GHR: variants seen among roughly 807,000 people sequenced by gnomAD.
GHR encodes the protein GH receptor.
In GHR, 35 loss-of-function variants were observed where a neutral mutation model predicts 67.1. The observed-to-expected ratio is 0.52, with a 90% CI of 0.40 to 0.69. GHR has a LOEUF of 0.69. Ranked by LOEUF, GHR falls within the 30% of genes least tolerant of loss-of-function variation. The probability of loss-of-function intolerance (pLI) is 0.00; values close to 1 mark genes in which losing one functional copy is unlikely to be tolerated. For synonymous variants in GHR, 272 were observed against 269.1 expected (o/e 1.01, Z -0.10); for missense variants, 792 against 764.6 (o/e 1.04, Z -0.42).
intron 1 of GHR, among the ~76,000 whole-genome samples, chr5:42,507,378 C>T (rs1746824139): frequency 6.6e-6 from 1 of 152,184 alleles, no homozygotes; most frequent in Admixed American, 6.5e-5. Flanking sequence ...CTACTTTTAA[C>T]AAGACATGAA....
At chr5:42,646,502 T>C (rs1322962602) in intron 3 of GHR, 1 of 305,834 alleles carries the variant, frequency 3.3e-6, no homozygotes, top group East Asian at 8.4e-5. Context: ...CTAAAATACA[T>C]TAGAGTTAAG....
At chr5:42,607,980 G>A (rs1311277960) in intron 2 of GHR, among the ~76,000 whole-genome samples, 1 of 152,136 alleles carries the variant, frequency 6.6e-6, no homozygotes, top group Non-Finnish European at 1.5e-5. Flanking sequence ...TGTCAGTTAT[G>A]ATCTAGGCTG....
At chr5:42,587,712 T>C (rs1751556547) in intron 2 of GHR, among the ~76,000 whole-genome samples, 3 of 152,046 alleles carry the variant, frequency 2.0e-5, no homozygotes, top group Admixed American at 6.5e-5. Flanking sequence ...ACTTGACTTA[T>C]TCCTCCCACA....
At chr5:42,657,221 C>A (rs1755301148) in intron 3 of GHR, among the ~76,000 whole-genome samples, 1 of 152,032 alleles carries the variant, frequency 6.6e-6, no homozygotes, top group Non-Finnish European at 1.5e-5. Flanking sequence ...GGATTCTTAC[C>A]AGTAGTGTGA....
intron 2 of GHR, among the ~76,000 whole-genome samples, chr5:42,579,962 A>G (rs544605854): frequency 9.2e-5 from 14 of 151,954 alleles, no homozygotes; most frequent in African/African-American, 3.1e-4. Context: ...GTGGGGATCT[A>G]TTGGTATATT....
At chr5:42,434,051 A>G (rs1296626487) in intron 1 of GHR, among the ~76,000 whole-genome samples, 2 of 152,140 alleles carry the variant, frequency 1.3e-5, no homozygotes, top group African/African-American at 4.8e-5. Context: ...ATGTAAATTC[A>G]GTCTGAAAAC....
At chr5:42,702,962 C>T (rs1429173520) in intron 6 of GHR, among the ~76,000 whole-genome samples, 1 of 151,922 alleles carries the variant, frequency 6.6e-6, no homozygotes, top group African/African-American at 2.4e-5. Context: ...CAGATAGTAA[C>T]TTCTTATCAG....
chr5:42,657,260 G>A (rs1755303244), intron 3 of GHR, among the ~76,000 whole-genome samples: 1 of 152,080 alleles, frequency 6.6e-6, no homozygotes, highest in Non-Finnish European at 1.5e-5. Context: ...TCTCTTGGAG[G>A]CATCATTTTC....
intron 2 of GHR, 81 bp downstream of exon 2, chr5:42,566,025 T>C: frequency 6.6e-7 from 1 of 1,517,644 alleles, no homozygotes; most frequent in South Asian, 1.1e-5. Flanking sequence ...GTTTTTTGGA[T>C]GATTTTATTA....
intron 1 of GHR, among the ~76,000 whole-genome samples, chr5:42,536,067 A>G (rs560339628): frequency 6.6e-6 from 1 of 152,098 alleles, no homozygotes; most frequent in East Asian, 1.9e-4. Context: ...TTTCTGGAGG[A>G]TTCTTCAGGG....
intron 2 of GHR, among the ~76,000 whole-genome samples, chr5:42,593,634 G>C (rs1751914410): frequency 6.6e-6 from 1 of 152,182 alleles, no homozygotes; most frequent in African/African-American, 2.4e-5. Flanking sequence ...CAGTGCACTG[G>C]AATGTATAGC....
intron 3 of GHR, among the ~76,000 whole-genome samples, chr5:42,633,140 C>T (rs893970561): frequency 5.3e-5 from 8 of 152,076 alleles, no homozygotes; most frequent in African/African-American, 1.9e-4. Flanking sequence ...GATTTTTCCC[C>T]TATTTTTAAA....
intron 2 of GHR, among the ~76,000 whole-genome samples, chr5:42,574,404 T>C (rs576256449): frequency 5.9e-5 from 9 of 152,370 alleles, no homozygotes; most frequent in African/African-American, 2.2e-4. Flanking sequence ...TAGTATTTGC[T>C]CTGAACTTCG....
At chr5:42,438,492 C>T (rs868559934) in intron 1 of GHR, among the ~76,000 whole-genome samples, 2 of 152,118 alleles carry the variant, frequency 1.3e-5, no homozygotes, top group Non-Finnish European at 2.9e-5. Context: ...GTGGCTTTAG[C>T]GACTAGGTCA....
At chr5:42,702,480 C>T (rs1039825050) in intron 6 of GHR, among the ~76,000 whole-genome samples, 5 of 151,952 alleles carry the variant, frequency 3.3e-5, no homozygotes, top group Non-Finnish European at 7.4e-5. Context: ...TATTTCTTGG[C>T]TGTTATAAGT....
chr5:42,672,511 A>G (rs117113597), intron 3 of GHR, among the ~76,000 whole-genome samples: 2 of 152,270 alleles, frequency 1.3e-5, no homozygotes, highest in East Asian at 3.9e-4. Context: ...AAAATTAGCA[A>G]TGGGGAAAGG....
chr5:42,593,984 G>T (rs1051954686), intron 2 of GHR, among the ~76,000 whole-genome samples: 1 of 152,136 alleles, frequency 6.6e-6, no homozygotes, highest in South Asian at 2.1e-4. Context: ...GCCATCCTTA[G>T]AATATTAAAA....
chr5:42,626,057 T>A (rs1381696327), intron 2 of GHR, among the ~76,000 whole-genome samples: 1 of 152,142 alleles, frequency 6.6e-6, no homozygotes, highest in East Asian at 1.9e-4. Flanking sequence ...CCCAGAACCC[T>A]TAGGTAGGAA....
At chr5:42,694,864 A>T (rs1170474012) in intron 4 of GHR, 53 bp from the exon 5 acceptor site, 2 of 1,356,688 alleles carry the variant, frequency 1.5e-6, no homozygotes, top group African/African-American at 2.9e-5. Flanking sequence ...CTTGGACTTA[A>T]GCTACAACAT....
Sources: gnomAD v4.1 joint callset for allele counts (sites outside exome capture counted in the v4.1 genomes callset) on GRCh38, gnomAD v4.1.1 for gene constraint, MANE v1.5 for transcripts, NCBI Gene and HGNC (gene_info 2026-07-23, HGNC 2026-07-21) for gene names.